Variants in REV1 observed in about 807,000 individuals in gnomAD.
REV1 encodes the protein translesion synthesis protein REV1.
Under a neutral mutation model 137.4 loss-of-function variants are expected in REV1, and 42 were observed. That is an observed-to-expected ratio of 0.31 (90% CI 0.24 to 0.40). REV1 has a LOEUF of 0.40. Among genes scored for constraint, REV1 ranks in the 10% least tolerant of loss-of-function variants. The probability of loss-of-function intolerance (pLI) is 1.00; values close to 1 mark genes in which losing one functional copy is unlikely to be tolerated. For missense variants in REV1, 1,282 were observed against 1,490.1 expected (o/e 0.86, Z 2.30); for synonymous variants, 524 against 519.2 (o/e 1.01, Z -0.12).
chr2:99,407,656 C>T (rs1260322921), intron 15 of REV1, among the ~76,000 whole-genome samples: 1 of 152,014 alleles, frequency 6.6e-6, no homozygotes, highest in African/African-American at 2.4e-5. Flanking sequence ...CCTTCTAGGT[C>T]ATCATACAGC....
intron 22 of REV1, among the ~76,000 whole-genome samples, chr2:99,401,895 A>ACC (rs28382976): frequency 1.8e-4 from 28 of 151,766 alleles, no homozygotes; most frequent in South Asian, 1.2e-3. Flanking sequence ...GGGCACCACC[A>ACC]CCCCCCCAGA....
At chr2:99,419,083 T>G (rs1259415228) in intron 11 of REV1, 136 bp from the exon 12 acceptor site, 2 of 760,982 alleles carry the variant, frequency 2.6e-6, no homozygotes, top group Admixed American at 2.9e-5. Flanking sequence ...AAATAAGGTG[T>G]AGAATTTTGC....
chr2:99,416,912 C>CGAAAAAAA (rs1677946765), intron 12 of REV1, among the ~76,000 whole-genome samples: 1 of 77,854 alleles, frequency 1.3e-5, no homozygotes, highest in African/African-American at 6.0e-5. Flanking sequence ...GACTCCATCT[C>CGAAAAAAA]AAAAAAAAAA....
At position 99,412,877 on chromosome 2, in the gene REV1, T is replaced by C. The variant is rs1410567121; in HGVS notation, c.2026A>G (p.Met676Val). ...CCAAATTCTTTTTGGAGTTTTGCCA[T>C]GGTCATATACTGCAAGTCTCCACAA... is the stretch of plus-strand genomic sequence containing the variant. ...KTCGDLQYMT[M>V]AKLQKEFGPK... The change falls in exon 13 of 23, where the codon ATG (methionine) becomes GTG (valine). Residue 676 changes from methionine to valine, a missense_variant. By Grantham distance (21) the Met-to-Val change is conservative. Coordinates refer to ENST00000258428, the MANE Select transcript of REV1 (RefSeq NM_016316.4). The C allele has an allele frequency of 1.2e-6, 2 of 1,614,174 alleles. No individual in the cohort carries two copies. Among genetic ancestry groups the C allele is most frequent in the East Asian group, 2.2e-5 (1 of 44,874 alleles).
intron 1 of REV1, among the ~76,000 whole-genome samples, chr2:99,468,220 T>A (rs890725266): frequency 1.3e-5 from 2 of 149,980 alleles, no homozygotes; most frequent in African/African-American, 4.9e-5. Context: ...TAGCCAGGCA[T>A]GGGGGCTGTT....
intron 8 of REV1, chr2:99,432,056 A>T: frequency 3.3e-6 from 1 of 307,622 alleles, no homozygotes; most frequent in Non-Finnish European, 4.7e-6. Flanking sequence ...GTATCCTGGA[A>T]ATCCAGGAAG....
intron 15 of REV1, 162 bp from the exon 16 acceptor site, chr2:99,406,652 C>A: frequency 2.0e-6 from 1 of 501,678 alleles, no homozygotes; most frequent in Non-Finnish European, 3.2e-6. Context: ...TGACTTATTA[C>A]AAAAACAATT....
intron 5 of REV1, among the ~76,000 whole-genome samples, chr2:99,440,884 ATTG>A (rs1242237925): frequency 2.0e-5 from 3 of 152,226 alleles, no homozygotes; most frequent in African/African-American, 7.2e-5. Context: ...AGGAAAATAC[ATTG>A]TTAACATACA....
At chr2:99,402,498 G>A (rs1675610898) in intron 21 of REV1, 146 bp downstream of exon 21, 1 of 899,488 alleles carries the variant, frequency 1.1e-6, no homozygotes, top group Non-Finnish European at 1.7e-6. Context: ...GCAAGTCCCA[G>A]AATTTAAAAG....
At chr2:99,470,483 G>T (rs2105215735) in intron 1 of REV1, among the ~76,000 whole-genome samples, 1 of 152,282 alleles carries the variant, frequency 6.6e-6, no homozygotes, top group Admixed American at 6.5e-5. Flanking sequence ...TTAAACATCT[G>T]CTAGCCGTAA....
chr2:99,409,867 C>CCCCCCA (rs1491343028), intron 14 of REV1, among the ~76,000 whole-genome samples: 2 of 109,476 alleles, frequency 1.8e-5, no homozygotes, highest in Non-Finnish European at 1.8e-5. Flanking sequence ...CCCCCCCCCC[C>CCCCCCA]AAAAAAAACA....
intron 9 of REV1, chr2:99,424,868 G>A (rs1679131857): frequency 2.3e-6 from 3 of 1,303,460 alleles, no homozygotes; most frequent in African/African-American, 1.5e-5. Context: ...ATCACTCTGG[G>A]CAGGAGCCAG....
At chr2:99,442,616 T>C (rs1681663484) in intron 4 of REV1, 147 bp from the exon 5 acceptor site, 3 of 722,932 alleles carry the variant, frequency 4.1e-6, no homozygotes, top group South Asian at 1.8e-5. Context: ...TCGGTTTTAG[T>C]GGTCCTAATA....
intron 3 of REV1, among the ~76,000 whole-genome samples, chr2:99,454,992 C>T (rs2105023985): frequency 6.6e-6 from 1 of 152,332 alleles, no homozygotes; most frequent in East Asian, 1.9e-4. Flanking sequence ...AGACCACTTT[C>T]ACGTCTGTAG....
At chr2:99,477,294 G>A (rs1264232366) in intron 1 of REV1, among the ~76,000 whole-genome samples, 1 of 152,116 alleles carries the variant, frequency 6.6e-6, no homozygotes, top group East Asian at 1.9e-4. Flanking sequence ...ACAAAAATAT[G>A]AACCATATTC....
At position 99,438,925 on chromosome 2, in the gene REV1, A is replaced by T. The variant is rs778830109; in HGVS notation, c.889T>A (p.Ser297Thr). ...CTGTGCAAAGGTGATAATGAGAAAGAATTAGTTCTGTGTGGATTCCGCAAA... is the reference window on the plus strand; with the variant it reads ...CTGTGCAAAGGTGATAATGAGAAAGTATTAGTTCTGTGTGGATTCCGCAAA... ...DALRNPHRTN[S>T]FSLSPLHSNT... The change falls in exon 6 of 23, where the codon TCT becomes ACT. Residue 297 changes from serine (S) to threonine (T), a missense_variant. Ser to Thr is a moderately conservative substitution (Grantham distance 58). Around this residue, in one of 7 missense-constraint regions of REV1, gnomAD observed 432 missense variants for 438.0 expected, o/e 0.99. Coordinates refer to ENST00000258428, the MANE Select transcript of REV1 (RefSeq NM_016316.4). The T allele has an allele frequency of 1.1e-4, 179 of 1,614,046 alleles. No homozygotes were observed. The highest frequency in any genetic ancestry group is 1.4e-4 in the Non-Finnish European group (162 of 1,180,020).
chr2:99,458,557 C>T (rs755270359), intron 3 of REV1, among the ~76,000 whole-genome samples: 7 of 152,292 alleles, frequency 4.6e-5, no homozygotes, highest in Admixed American at 2.6e-4. Context: ...GTAACTATTA[C>T]GGGAACCAAC....
At chr2:99,428,057 G>A (rs1679611642) in intron 9 of REV1, among the ~76,000 whole-genome samples, 1 of 152,196 alleles carries the variant, frequency 6.6e-6, no homozygotes, top group Non-Finnish European at 1.5e-5. Flanking sequence ...ACTTTCACCT[G>A]GAGGCAGCCC....
chr2:99,440,348 A>C (rs1263778646), intron 5 of REV1, among the ~76,000 whole-genome samples: 1 of 152,246 alleles, frequency 6.6e-6, no homozygotes, highest in East Asian at 1.9e-4. Flanking sequence ...GGGCTGCCCT[A>C]CAGAGTAGTA....
Sources: allele counts gnomAD v4.1 joint callset (sites outside exome capture counted in the v4.1 genomes callset), GRCh38; gene constraint gnomAD v4.1.1; regional missense constraint gnomAD v4.1.1; transcripts MANE v1.5; gene names NCBI Gene and HGNC (gene_info 2026-07-23, HGNC 2026-07-21).